The following PCOLCE2 variants were observed in gnomAD, a reference collection of about 807,000 sequenced individuals.
The protein encoded by PCOLCE2 is procollagen C-proteinase enhancer 2.
In PCOLCE2, 42 loss-of-function variants were observed where a neutral mutation model predicts 47.0. The observed-to-expected ratio is 0.89, with a 90% CI of 0.70 to 1.16. The LOEUF is 1.16. PCOLCE2 is among the 50% of genes most tolerant of loss of function. The pLI, the probability that PCOLCE2 is intolerant of heterozygous loss-of-function variation, is 0.00. For synonymous variants in PCOLCE2, 169 were observed against 191.7 expected, an observed-to-expected ratio of 0.88 and a Z score of 0.98; for missense variants, 500 against 526.1, an observed-to-expected ratio of 0.95 and a Z score of 0.49.
chr3:142,818,444 C>A lies in PCOLCE2; in HGVS notation c.1139G>T (p.Gly380Val). ...LRRGLNYIIM[G>V]QVGEDGRGKI... is the part of the protein sequence containing the mutation. ...GCCTCGCCCATCTTCACCTACTTGG[C>A]CCATAATAATGTAATTTAGACCTAA... Residue 380 changes from glycine to valine, a missense_variant, in exon 9 of 9, where the codon GGC (glycine) becomes GTC (valine). Transcript: ENST00000295992. 1 of 1,611,612 alleles carries A rather than the reference C, an allele frequency of 6.2e-7. No individual in the cohort carries two copies. Among genetic ancestry groups the A allele is most frequent in the Non-Finnish European group, 8.5e-7 (1 of 1,177,938 alleles).
chr3:142,843,377 T>C (rs1235766180), intron 3 of PCOLCE2: 1 of 448,650 alleles, frequency 2.2e-6, no homozygotes, highest in East Asian at 6.8e-5. Context: ...CAAAAAATCA[T>C]AGAGATGTTA....
chr3:142,879,252 A>G (rs567323474), intron 2 of PCOLCE2, among the ~76,000 whole-genome samples: 2 of 151,776 alleles, frequency 1.3e-5, no homozygotes, highest in South Asian at 4.1e-4. Context: ...AATCCCTTTC[A>G]GAAAAAAAAA....
chr3:142,818,582 T>G lies in PCOLCE2; in HGVS notation c.1118-117A>C, dbSNP rs536281064. The G allele has an allele frequency of 7.5e-6, 6 of 801,332 alleles. No homozygotes were observed. The South Asian group carries it at 9.4e-5, about 12-fold the overall frequency. 49.6% of individuals were successfully genotyped at this position (801,332 alleles called of 1,614,324 possible). ...CTTCTGCAAATGGTAAGATTATACA[T>G]GTATTCCATCCACGATAAAATCTGG... On this transcript the variant is annotated intron_variant, in intron 8 of 8. Transcript: ENST00000295992.
At chr3:142,838,154 C>A (rs577407661) in intron 5 of PCOLCE2, among the ~76,000 whole-genome samples, 58 of 152,258 alleles carry the variant, frequency 3.8e-4, no homozygotes, top group Middle Eastern at 3.4e-3. Flanking sequence ...TGGGGTATCA[C>A]CAGCTCTACT....
intron 2 of PCOLCE2, among the ~76,000 whole-genome samples, chr3:142,852,737 GTATATAA>G (rs1308967918): frequency 1.4e-5 from 2 of 147,820 alleles, no homozygotes; most frequent in African/African-American, 2.5e-5. Context: ...ATGTATATGT[GTATATAA>G]TATATATTTT....
chr3:142,848,815 T>C (rs1937357792), intron 2 of PCOLCE2, among the ~76,000 whole-genome samples: 1 of 152,232 alleles, frequency 6.6e-6, no homozygotes. Context: ...TATATTTGCA[T>C]ATTCTAATAC....
chr3:142,846,147 AT>A (rs1937326292), intron 3 of PCOLCE2, among the ~76,000 whole-genome samples: 1 of 151,984 alleles, frequency 6.6e-6, no homozygotes, highest in Non-Finnish European at 1.5e-5. Flanking sequence ...GGGGTGCTTC[AT>A]TTTTATTTGT....
In PCOLCE2 at chr3:142,888,863, G is replaced by C; in HGVS notation, c.34C>G (p.Leu12Val). The C allele has an allele frequency of 6.5e-7, 1 of 1,550,140 alleles. No individual in the cohort carries two copies. The highest frequency in any genetic ancestry group is 8.7e-7 in the Non-Finnish European group (1 of 1,151,200). The change falls in exon 1 of 9, where the codon CTG (leucine) becomes GTG (valine). Residue 12 changes from leucine to valine, a missense_variant. By Grantham distance (32) the Leu-to-Val change is conservative. Transcript: ENST00000295992. Reference sequence around the variant, plus strand: ...AGCTGGGTGGCGGCAGCCAGCAGCAGGCAGAGTGGCGCCCAGGCGTTCGCG... The same window carrying C: ...AGCTGGGTGGCGGCAGCCAGCAGCACGCAGAGTGGCGCCCAGGCGTTCGCG... The part of the protein sequence containing the change: ...RGANAWAPLC[L>V]LLAAATQLSR...
chr3:142,820,866 C>G lies in PCOLCE2; in HGVS notation c.1117+12G>C. 1 of 1,597,660 alleles carries G rather than the reference C, an allele frequency of 6.3e-7. No individual in the cohort carries two copies. Among genetic ancestry groups the G allele is most frequent in the Non-Finnish European group, 8.6e-7 (1 of 1,166,640 alleles). ...GGCTTGCTCAGAGACACCCAGTTTT[C>G]TCCCTACTCACCTCTTCTGAGGAGA... is the stretch of plus-strand genomic sequence containing the variant. On this transcript the variant is annotated intron_variant, in intron 8 of 8. Transcript: ENST00000295992.
At chr3:142,835,312 T>C (rs1462746649) in intron 5 of PCOLCE2, among the ~76,000 whole-genome samples, 1 of 152,230 alleles carries the variant, frequency 6.6e-6, no homozygotes, top group Non-Finnish European at 1.5e-5. Context: ...GCCTGATAAA[T>C]TGCATCATTT....
chr3:142,826,284 G>A (rs2108185661), intron 6 of PCOLCE2, among the ~76,000 whole-genome samples: 1 of 152,262 alleles, frequency 6.6e-6, no homozygotes, highest in East Asian at 1.9e-4. Context: ...TGGGATTACA[G>A]GTGTAAGCCA....
chr3:142,851,339 C>T lies in PCOLCE2; in HGVS notation c.193-2867G>A, dbSNP rs780904483. Among the ~76,000 whole-genome samples, 138 of 152,168 alleles carry T rather than the reference C, an allele frequency of 9.1e-4. 2 individuals carry two copies. The highest frequency in any genetic ancestry group is 6.8e-4 in the Non-Finnish European group (46 of 68,044). On this transcript the variant is annotated intron_variant, in intron 2 of 8. Transcript: ENST00000295992. ...TGTTCGTGGTCTTCTTCCCCAGCCA[C>T]ATTCAGCTCCGTGGGCAAAGGTACA...
At chr3:142,847,310 C>A (rs1326542523) in intron 3 of PCOLCE2, among the ~76,000 whole-genome samples, 4 of 152,182 alleles carry the variant, frequency 2.6e-5, no homozygotes, top group Admixed American at 2.6e-4. Context: ...TAACTCCCTG[C>A]CTGGATTTCC....
intron 2 of PCOLCE2, among the ~76,000 whole-genome samples, chr3:142,880,801 T>A (rs891698117): frequency 6.6e-6 from 1 of 152,190 alleles, no homozygotes; most frequent in East Asian, 1.9e-4. Flanking sequence ...TCAAGGCACA[T>A]GTAAAATAAC....
In PCOLCE2 at chr3:142,838,912, G is replaced by A. The variant is rs1162088609; in HGVS notation, c.574-6C>T. 1.9e-6 allele frequency: 3 copies of A among 1,605,792 alleles called. No homozygotes were observed. In the East Asian group the frequency reaches 6.7e-5, roughly 36 times the overall value. On this transcript the variant is annotated splice_polypyrimidine_tract_variant and splice_region_variant and intron_variant, in intron 4 of 8. Coordinates refer to ENST00000295992, the MANE Select transcript of PCOLCE2 (RefSeq NM_013363.4). ...TCAAACTTTAATTCTATAAGCTTTA[G>A]AGAAAGCACAATAGAAGTGTCAAAT...
chr3:142,855,922 G>T (rs1018213724), intron 2 of PCOLCE2, among the ~76,000 whole-genome samples: 17 of 152,196 alleles, frequency 1.1e-4, no homozygotes, highest in Non-Finnish European at 2.1e-4. Context: ...GACTGGGGAA[G>T]TTGTTTGTTA....
chr3:142,839,736 A>G (rs1020503741), intron 4 of PCOLCE2, among the ~76,000 whole-genome samples: 4 of 152,270 alleles, frequency 2.6e-5, no homozygotes, highest in African/African-American at 9.6e-5. Context: ...ATATCAAAAT[A>G]TAATGTTGCA....
intron 2 of PCOLCE2, among the ~76,000 whole-genome samples, chr3:142,877,489 A>T (rs878920827): frequency 2.0e-5 from 3 of 152,186 alleles, no homozygotes; most frequent in Admixed American, 2.0e-4. Context: ...AAAAATAAAT[A>T]AATAAAGCAA....
chr3:142,887,634 A>G (rs1933739725), intron 2 of PCOLCE2, 35 bp downstream of exon 2: 1 of 1,095,656 alleles, frequency 9.1e-7, no homozygotes, highest in South Asian at 1.3e-5. Context: ...GCCAACACCC[A>G]CTTCCAGGAG....
Sources: gnomAD v4.1 joint callset for allele counts (sites outside exome capture counted in the v4.1 genomes callset) on GRCh38, gnomAD v4.1.1 for gene constraint, MANE v1.5 for transcripts, NCBI Gene and HGNC (gene_info 2026-07-23, HGNC 2026-07-21) for gene names.